DHX36: variants seen among roughly 807,000 people sequenced by gnomAD.
DHX36 encodes ATP-dependent DNA/RNA helicase DHX36.
Under a neutral mutation model 139.0 loss-of-function variants are expected in DHX36, and 50 were observed. That is an observed-to-expected ratio of 0.36 (90% confidence interval 0.29 to 0.46). DHX36 has a LOEUF of 0.46. Among genes scored for constraint, DHX36 ranks in the 20% least tolerant of loss-of-function variants. The pLI is 1.00. For synonymous variants in DHX36, 425 were observed against 401.9 expected (o/e 1.06, Z -0.69); for missense variants, 1,024 against 1,211.3 (o/e 0.85, Z 2.29).
At chr3:154,292,757 A>G in intron 14 of DHX36, 63 bp from the exon 15 acceptor site, 2 of 1,391,538 alleles carry the variant, frequency 1.4e-6, no homozygotes, top group South Asian at 2.8e-5. Flanking sequence ...ACACACACAC[A>G]CACATCGAAA....
intron 1 of DHX36, 43 bp from the exon 2 acceptor site, chr3:154,316,206 A>G (rs769881041): frequency 1.2e-5 from 20 of 1,606,614 alleles, no homozygotes; most frequent in Admixed American, 1.7e-5. Flanking sequence ...AACATAAGAA[A>G]GCATATGCAA....
intron 1 of DHX36, 47 bp downstream of exon 1, chr3:154,324,127 G>C (rs1181855577): frequency 6.5e-7 from 1 of 1,544,454 alleles, no homozygotes. Flanking sequence ...GGAGAGAGAA[G>C]AAAACCTGTG....
At chr3:154,297,435 G>A (rs1486177074) in intron 12 of DHX36, among the ~76,000 whole-genome samples, 2 of 152,196 alleles carry the variant, frequency 1.3e-5, no homozygotes, top group African/African-American at 4.8e-5. Context: ...AGTTTTGGCT[G>A]GGTGCAGTGG....
chr3:154,302,272 T>C (rs1712328169), intron 9 of DHX36, among the ~76,000 whole-genome samples: 1 of 152,160 alleles, frequency 6.6e-6, no homozygotes, highest in African/African-American at 2.4e-5. Context: ...CAGTACAAAA[T>C]GACTTGGATT....
At chr3:154,284,440 C>G in intron 19 of DHX36, 143 bp downstream of exon 19, 1 of 657,976 alleles carries the variant, frequency 1.5e-6, no homozygotes, top group Non-Finnish European at 2.5e-6. Flanking sequence ...CTCAGCCTCC[C>G]AAAGTGCTAT....
chr3:154,307,291 T>C (rs1347526213), intron 5 of DHX36, among the ~76,000 whole-genome samples: 1 of 152,058 alleles, frequency 6.6e-6, no homozygotes, highest in Non-Finnish European at 1.5e-5. Flanking sequence ...ACTAAGAAGT[T>C]TCTACACAAC....
intron 19 of DHX36, 72 bp downstream of exon 19, chr3:154,284,511 G>T (rs1711502297): frequency 1.5e-6 from 2 of 1,320,640 alleles, no homozygotes; most frequent in South Asian, 1.4e-5. Context: ...GGTTAAATAT[G>T]ATCCTTATTC....
intron 16 of DHX36, among the ~76,000 whole-genome samples, chr3:154,289,459 G>C (rs535066317): frequency 1.9e-3 from 296 of 152,290 alleles, no homozygotes; most frequent in African/African-American, 6.7e-3. Context: ...CAATATAACA[G>C]AACTAGCTTT....
Position 154,301,044 on chromosome 3 carries a change from T to G in DHX36, c.1301A>C (p.Glu434Ala). Reference sequence around the variant, plus strand: ...ACGTTCTTTATATATTGCTTCTTTTTCTTCTTTTTCTTGTCTATTTACATG... The same window carrying G: ...ACGTTCTTTATATATTGCTTCTTTTGCTTCTTTTTCTTGTCTATTTACATG... ...QGHVNRQEKE[E>A]KEAIYKERWP... The change falls in exon 10 of 25, where the codon GAA becomes GCA. Residue 434 changes from glutamate to alanine, a missense_variant. Around this residue, in one of 4 missense-constraint regions of DHX36, gnomAD observed 115 missense variants for 105.6 expected, o/e 1.09. Transcript: ENST00000496811. 1 of 1,608,958 alleles carries G rather than the reference T, an allele frequency of 6.2e-7. No individual in the cohort carries two copies. The highest frequency in any genetic ancestry group is 8.5e-7 in the Non-Finnish European group (1 of 1,176,660).
chr3:154,296,776 A>G (rs1323956158), intron 12 of DHX36, among the ~76,000 whole-genome samples: 1 of 152,232 alleles, frequency 6.6e-6, no homozygotes, highest in African/African-American at 2.4e-5. Context: ...TGTTATCTAA[A>G]GGATATGATG....
intron 1 of DHX36, 135 bp downstream of exon 1, chr3:154,324,039 A>C: frequency 9.9e-6 from 10 of 1,013,658 alleles, no homozygotes; most frequent in Non-Finnish European, 1.5e-5. Flanking sequence ...GCGCCAGCAT[A>C]ATATATTTGC....
chr3:154,285,073 A>G, intron 17 of DHX36, 86 bp from the exon 18 acceptor site: 1 of 1,345,214 alleles, frequency 7.4e-7, no homozygotes, highest in South Asian at 1.3e-5. Flanking sequence ...AAGAGTAACA[A>G]GCCACTACTC....
intron 22 of DHX36, chr3:154,280,075 T>TA (rs1342417755): frequency 1.3e-5 from 2 of 152,414 alleles, no homozygotes; most frequent in African/African-American, 2.4e-5. Flanking sequence ...TTGTGACTCT[T>TA]AGTTTCTCTG....
chr3:154,304,294 C>G (rs938553963), intron 8 of DHX36, among the ~76,000 whole-genome samples: 11 of 152,182 alleles, frequency 7.2e-5, no homozygotes, highest in African/African-American at 2.7e-4. Flanking sequence ...CTGGTCCAAT[C>G]TAGCTTCAGC....
rs991636221 is a variant in DHX36, at chr3:154,280,641, G to A, written c.2505C>T (p.Ile835=). Residue 835 remains isoleucine (I), a synonymous_variant, in exon 22 of 25, where the codon ATC becomes ATT. Coordinates refer to ENST00000496811, the MANE Select transcript of DHX36 (RefSeq NM_020865.3). ...SDNEKIIKAV[I]CAGLYPKVAK... ...CAACTTTGGGATATAAACCAGCACA[G>A]ATGACAGCTTTAATTATCTTCTCAT... 1 of 1,613,234 alleles carries A rather than the reference G, an allele frequency of 6.2e-7. No individual in the cohort carries two copies. Among genetic ancestry groups the A allele is most frequent in the Admixed American group, 1.7e-5 (1 of 59,954 alleles).
At chr3:154,294,450 T>C (rs1218088699) in intron 13 of DHX36, among the ~76,000 whole-genome samples, 2 of 152,036 alleles carry the variant, frequency 1.3e-5, no homozygotes, top group East Asian at 3.9e-4. Context: ...ATACAGAAAA[T>C]GTTTCCCAGG....
intron 1 of DHX36, among the ~76,000 whole-genome samples, chr3:154,322,092 G>A (rs1309245593): frequency 2.0e-5 from 3 of 152,078 alleles, no homozygotes; most frequent in African/African-American, 7.2e-5. Flanking sequence ...AGAAAGAAAG[G>A]TACATTTTGG....
At chr3:154,277,858 ATTCAGTTTATT>A in intron 22 of DHX36, 140 bp from the exon 23 acceptor site, 1 of 764,702 alleles carries the variant, frequency 1.3e-6, no homozygotes, top group Non-Finnish European at 1.9e-6. Flanking sequence ...CCAGAGAATA[ATTCAGTTTATT>A]TTTGCAAAAA....
rs1712914827 is a variant in DHX36 at position 154,315,082 on chromosome 3, T to C, written c.567A>G (p.Gln189=). 1 of 1,609,906 alleles carries C rather than the reference T, an allele frequency of 6.2e-7. No homozygotes were observed. Among genetic ancestry groups the C allele is most frequent in the African/African-American group, 1.3e-5 (1 of 74,596 alleles). Residue 189 remains glutamine (Q), a synonymous_variant, in exon 3 of 25, where the codon CAA becomes CAG. Coordinates refer to ENST00000496811, the MANE Select transcript of DHX36 (RefSeq NM_020865.3). ...TLDQKLLEDL[Q]KKKNDLRYIE... ...TATACCGAAGGTCATTTTTTTTCTT[T>C]TGTAAATCTTCCAATAATTTTTGGT...
Sources: gnomAD v4.1 joint callset for allele counts (sites outside exome capture counted in the v4.1 genomes callset) on GRCh38, gnomAD v4.1.1 for gene constraint, gnomAD v4.1.1 regional missense constraint, MANE v1.5 for transcripts, NCBI Gene and HGNC (gene_info 2026-07-23, HGNC 2026-07-21) for gene names.